Variants in NUBPL observed in about 807,000 individuals in gnomAD.
The protein encoded by NUBPL is iron-sulfur cluster transfer protein NUBPL.
Under a neutral mutation model 45.7 loss-of-function variants are expected in NUBPL, and 31 were observed. The observed-to-expected ratio is 0.68, with a 90% confidence interval of 0.51 to 0.92. NUBPL has a LOEUF of 0.92. NUBPL is among the 40% of genes least tolerant of loss of function. NUBPL has a pLI of 0.00. For synonymous variants in NUBPL, 144 were observed against 140.9 expected (o/e 1.02, Z -0.15); for missense variants, 401 against 398.7 (o/e 1.01, Z -0.05).
At chr14:31,782,799 C>T (rs1228768056) in intron 6 of NUBPL, among the ~76,000 whole-genome samples, 1 of 152,000 alleles carries the variant, frequency 6.6e-6, no homozygotes, top group African/African-American at 2.4e-5. Flanking sequence ...AACAAACAAA[C>T]AAACAAACAA....
At chr14:31,661,629 C>A (rs566688279) in intron 4 of NUBPL, among the ~76,000 whole-genome samples, 32 of 152,176 alleles carry the variant, frequency 2.1e-4, no homozygotes, top group Non-Finnish European at 3.8e-4. Flanking sequence ...GCAACCTCTG[C>A]CTCCTGGGTT....
chr14:31,780,353 G>A (rs556829924), intron 6 of NUBPL, among the ~76,000 whole-genome samples: 4 of 152,248 alleles, frequency 2.6e-5, no homozygotes, highest in South Asian at 4.2e-4. Flanking sequence ...ACAGGCGTGA[G>A]CCACTGTGCC....
chr14:31,847,704 T>A (rs977313581), intron 9 of NUBPL, among the ~76,000 whole-genome samples: 1 of 151,962 alleles, frequency 6.6e-6, no homozygotes, highest in Admixed American at 6.6e-5. Flanking sequence ...TCCCTAGAGA[T>A]TAAGGAATTT....
intron 7 of NUBPL, among the ~76,000 whole-genome samples, chr14:31,802,377 GC>G (rs754758853): frequency 5.9e-5 from 9 of 151,902 alleles, no homozygotes; most frequent in Admixed American, 2.0e-4. Context: ...CTGGGTTCAA[GC>G]AATTCTCCTG....
At chr14:31,788,338 A>T (rs1437269898) in intron 7 of NUBPL, among the ~76,000 whole-genome samples, 1 of 151,642 alleles carries the variant, frequency 6.6e-6, no homozygotes, top group Non-Finnish European at 1.5e-5. Flanking sequence ...TCAACATTGC[A>T]GTTTTCATTG....
chr14:31,753,432 A>G (rs942934192), intron 6 of NUBPL, among the ~76,000 whole-genome samples: 4 of 152,010 alleles, frequency 2.6e-5, no homozygotes, highest in Admixed American at 2.6e-4. Flanking sequence ...TTTCTGTGCT[A>G]GACCACCGGG....
At chr14:31,766,808 C>A (rs1259295297) in intron 6 of NUBPL, among the ~76,000 whole-genome samples, 2 of 152,064 alleles carry the variant, frequency 1.3e-5, no homozygotes, top group African/African-American at 4.8e-5. Flanking sequence ...CACAGGAAGA[C>A]CGAAGACCCC....
At chr14:31,763,321 A>G (rs1180169042) in intron 6 of NUBPL, among the ~76,000 whole-genome samples, 2 of 152,190 alleles carry the variant, frequency 1.3e-5, no homozygotes, top group Non-Finnish European at 2.9e-5. Context: ...ACTAAAGTAA[A>G]TAAAACTTGT....
At chr14:31,702,179 A>C (rs953980587) in intron 6 of NUBPL, among the ~76,000 whole-genome samples, 4 of 152,228 alleles carry the variant, frequency 2.6e-5, no homozygotes, top group Non-Finnish European at 5.9e-5. Flanking sequence ...GGAGTTATCA[A>C]ATGCAGAGCC....
intron 6 of NUBPL, among the ~76,000 whole-genome samples, chr14:31,733,439 T>C (rs1029612583): frequency 6.6e-6 from 1 of 152,218 alleles, no homozygotes; most frequent in Non-Finnish European, 1.5e-5. Flanking sequence ...AGAATTGCCA[T>C]CCTAACAGTG....
chr14:31,761,604 A>C (rs1333203878), intron 6 of NUBPL, among the ~76,000 whole-genome samples: 1 of 152,142 alleles, frequency 6.6e-6, no homozygotes, highest in Non-Finnish European at 1.5e-5. Context: ...CTTAGTAGTG[A>C]AGTGATAGTA....
At chr14:31,806,461 A>G (rs972738858) in intron 7 of NUBPL, among the ~76,000 whole-genome samples, 5 of 152,324 alleles carry the variant, frequency 3.3e-5, no homozygotes, top group Middle Eastern at 6.8e-3. Context: ...ATGAACAAAC[A>G]CTGGAAACCA....
At chr14:31,801,889 G>C (rs942001225) in intron 7 of NUBPL, among the ~76,000 whole-genome samples, 27 of 152,114 alleles carry the variant, frequency 1.8e-4, no homozygotes, top group Non-Finnish European at 2.9e-5. Flanking sequence ...CTTATCTCCT[G>C]GAGAGAGAGA....
intron 6 of NUBPL, among the ~76,000 whole-genome samples, chr14:31,687,107 T>C (rs1036535560): frequency 6.6e-6 from 1 of 151,994 alleles, no homozygotes; most frequent in Admixed American, 6.5e-5. Flanking sequence ...AGTGAGACCC[T>C]GTTTCAAAAA....
intron 4 of NUBPL, among the ~76,000 whole-genome samples, chr14:31,635,415 T>C (rs1184585550): frequency 3.3e-5 from 5 of 151,990 alleles, no homozygotes; most frequent in Admixed American, 3.3e-4. Context: ...TGCGACGTTA[T>C]TTCTGAGGGC....
intron 6 of NUBPL, among the ~76,000 whole-genome samples, chr14:31,710,107 T>C (rs575438982): frequency 2.3e-4 from 35 of 152,262 alleles, no homozygotes; most frequent in African/African-American, 6.3e-4. Flanking sequence ...AGAGAGAGTA[T>C]TGGGGTCAGG....
chr14:31,704,017 G>A (rs183272293), intron 6 of NUBPL, among the ~76,000 whole-genome samples: 6 of 152,226 alleles, frequency 3.9e-5, no homozygotes, highest in African/African-American at 1.2e-4. Context: ...TGCTCATGCC[G>A]GTCTAACTAC....
intron 6 of NUBPL, among the ~76,000 whole-genome samples, chr14:31,756,845 G>T (rs1472739174): frequency 6.6e-6 from 1 of 151,270 alleles, no homozygotes; most frequent in Non-Finnish European, 1.5e-5. Context: ...GTTTGTCATA[G>T]ATAGCTCTTA....
intron 4 of NUBPL, among the ~76,000 whole-genome samples, chr14:31,661,508 T>C (rs550847594): frequency 1.3e-5 from 2 of 152,202 alleles, no homozygotes; most frequent in Non-Finnish European, 2.9e-5. Context: ...CTAAAAAATA[T>C]GGCTTCAGAC....
Sources: allele counts gnomAD v4.1 joint callset (sites outside exome capture counted in the v4.1 genomes callset), GRCh38; gene constraint gnomAD v4.1.1; transcripts MANE v1.5; gene names NCBI Gene and HGNC (gene_info 2026-07-23, HGNC 2026-07-21).